Variants in CACNA2D3 observed in about 807,000 individuals in gnomAD.
CACNA2D3 encodes voltage-dependent calcium channel subunit alpha-2/delta-3.
A neutral mutation model predicts 160.6 loss-of-function variants in CACNA2D3; 60 were observed. The observed-to-expected ratio is 0.37, with a 90% CI of 0.30 to 0.46. The LOEUF (loss-of-function observed/expected upper bound fraction) is 0.46. Among genes scored for constraint, CACNA2D3 ranks in the 20% least tolerant of loss-of-function variants. CACNA2D3 has a pLI of 1.00. For synonymous variants in CACNA2D3, 558 were observed against 492.9 expected (o/e 1.13, Z -1.75); for missense variants, 1,205 against 1,365.0 (o/e 0.88, Z 1.85).
intron 4 of CACNA2D3, among the ~76,000 whole-genome samples, chr3:54,481,461 A>G (rs1251169500): frequency 6.6e-6 from 1 of 152,214 alleles, no homozygotes; most frequent in Non-Finnish European, 1.5e-5. Context: ...GTGGCTTCTC[A>G]GTGACCTGGC....
intron 9 of CACNA2D3, among the ~76,000 whole-genome samples, chr3:54,589,088 A>G (rs1026534021): frequency 2.0e-5 from 3 of 152,098 alleles, no homozygotes; most frequent in African/African-American, 7.2e-5. Flanking sequence ...AGAAGAATGA[A>G]GTAGAAGGAA....
At chr3:54,246,816 G>A (rs1354485510) in intron 2 of CACNA2D3, among the ~76,000 whole-genome samples, 1 of 152,096 alleles carries the variant, frequency 6.6e-6, no homozygotes, top group African/African-American at 2.4e-5. Context: ...AACAGAAGAG[G>A]GAGCTCTGAA....
chr3:54,649,610 G>A (rs1699719880), intron 11 of CACNA2D3, among the ~76,000 whole-genome samples: 1 of 152,178 alleles, frequency 6.6e-6, no homozygotes, highest in Admixed American at 6.5e-5. Context: ...GTAAACTGCT[G>A]CCTTCTCTTG....
intron 11 of CACNA2D3, among the ~76,000 whole-genome samples, chr3:54,737,182 ATGTGTG>A (rs4025817): frequency 0.3 from 43,997 of 147,414 alleles, 6,396 homozygotes; most frequent in Admixed American, 0.34. Flanking sequence ...CCATGTGTAT[ATGTGTG>A]TGTGTGTGTG....
intron 2 of CACNA2D3, among the ~76,000 whole-genome samples, chr3:54,266,333 A>T (rs1262660196): frequency 1.3e-5 from 2 of 152,230 alleles, no homozygotes; most frequent in Admixed American, 1.3e-4. Flanking sequence ...ATTATCTCAG[A>T]CAACTGAAAT....
intron 12 of CACNA2D3, among the ~76,000 whole-genome samples, chr3:54,763,832 TA>T (rs1702156188): frequency 1.3e-5 from 1 of 74,572 alleles, no homozygotes; most frequent in African/African-American, 4.4e-5. Flanking sequence ...TACGTATATA[TA>T]TGTATATATA....
chr3:54,374,839 CGTT>C (rs1255078562), intron 3 of CACNA2D3, among the ~76,000 whole-genome samples: 1 of 152,178 alleles, frequency 6.6e-6, no homozygotes, highest in Non-Finnish European at 1.5e-5. Flanking sequence ...CAATCTTTCT[CGTT>C]ATTGTCTTGG....
chr3:54,427,603 A>G (rs1002930160), intron 4 of CACNA2D3, among the ~76,000 whole-genome samples: 3 of 152,138 alleles, frequency 2.0e-5, no homozygotes, highest in Admixed American at 6.5e-5. Flanking sequence ...CTGTATTTTT[A>G]TTTGCTGAAT....
chr3:54,834,462 C>T (rs182242526), intron 14 of CACNA2D3, among the ~76,000 whole-genome samples: 166 of 152,254 alleles, frequency 1.1e-3, no homozygotes, highest in African/African-American at 3.6e-3. Context: ...CAGTGGTGGC[C>T]ACAGTATGCT....
intron 5 of CACNA2D3, among the ~76,000 whole-genome samples, chr3:54,523,110 T>C (rs1701672393): frequency 6.6e-6 from 1 of 152,178 alleles, no homozygotes; most frequent in African/African-American, 2.4e-5. Context: ...AGGTAATTCT[T>C]TTCTTGTTCC....
At chr3:54,717,841 G>C in intron 11 of CACNA2D3, among the ~76,000 whole-genome samples, 1 of 142,266 alleles carries the variant, frequency 7.0e-6, no homozygotes, top group African/African-American at 2.6e-5. Context: ...GTGTGCGTGA[G>C]TGTGTGTGTG....
At chr3:54,867,393 G>A (rs1371946145) in intron 17 of CACNA2D3, among the ~76,000 whole-genome samples, 1 of 152,082 alleles carries the variant, frequency 6.6e-6, no homozygotes, top group Non-Finnish European at 1.5e-5. Flanking sequence ...AATCATGGAA[G>A]CACCAGTGTT....
chr3:54,135,576 G>A (rs1205250669), intron 2 of CACNA2D3, among the ~76,000 whole-genome samples: 1 of 152,238 alleles, frequency 6.6e-6, no homozygotes, highest in Non-Finnish European at 1.5e-5. Flanking sequence ...GCTTCCTTCA[G>A]ATATCAGGAC....
At chr3:54,799,105 C>T (rs1702929387) in intron 13 of CACNA2D3, among the ~76,000 whole-genome samples, 1 of 152,144 alleles carries the variant, frequency 6.6e-6, no homozygotes, top group Non-Finnish European at 1.5e-5. Flanking sequence ...TGTTCTAATC[C>T]TATTTTTCCC....
intron 11 of CACNA2D3, among the ~76,000 whole-genome samples, chr3:54,658,367 T>C (rs993023548): frequency 2.6e-5 from 4 of 152,188 alleles, no homozygotes; most frequent in African/African-American, 9.6e-5. Flanking sequence ...GTAATAGCCA[T>C]CCTAACAGGT....
chr3:54,529,273 G>A (rs1019003524), intron 5 of CACNA2D3, among the ~76,000 whole-genome samples: 4 of 152,180 alleles, frequency 2.6e-5, no homozygotes, highest in African/African-American at 9.7e-5. Flanking sequence ...AGGCGTTCAT[G>A]TTAGCGGTCT....
At chr3:54,665,638 C>T (rs770574595) in intron 11 of CACNA2D3, among the ~76,000 whole-genome samples, 2 of 152,082 alleles carry the variant, frequency 1.3e-5, no homozygotes, top group Non-Finnish European at 2.9e-5. Flanking sequence ...GCTCATAATA[C>T]CACAAAACCT....
At chr3:54,132,069 C>T (rs911612925) in intron 2 of CACNA2D3, among the ~76,000 whole-genome samples, 1 of 152,222 alleles carries the variant, frequency 6.6e-6, no homozygotes, top group African/African-American at 2.4e-5. Context: ...TTACGCTCAG[C>T]CTCCTACTGG....
chr3:54,247,093 C>T (rs1702097285), intron 2 of CACNA2D3, among the ~76,000 whole-genome samples: 1 of 152,180 alleles, frequency 6.6e-6, no homozygotes, highest in African/African-American at 2.4e-5. Context: ...GGGCGGATCA[C>T]CTGAGGTCAG....
Sources: gnomAD v4.1 joint callset for allele counts (sites outside exome capture counted in the v4.1 genomes callset) on GRCh38, gnomAD v4.1.1 for gene constraint, MANE v1.5 for transcripts, NCBI Gene and HGNC (gene_info 2026-07-23, HGNC 2026-07-21) for gene names.